Variants in MYH14 observed in about 807,000 individuals in gnomAD.
MYH14 encodes the protein myosin heavy chain 14.
MYH14 carries 123 observed loss-of-function variants against 255.5 expected under a neutral mutation model. The ratio of observed to expected loss-of-function variants is 0.48; its 90% CI spans 0.42 to 0.56. The LOEUF (loss-of-function observed/expected upper bound fraction) is 0.56. MYH14 is among the 20% of genes least tolerant of loss of function. The pLI, the probability that MYH14 is intolerant of heterozygous loss-of-function variation, is 0.00. For missense variants in MYH14, 2,423 were observed against 2,802.3 expected (o/e 0.86, Z 3.06); for synonymous variants, 1,095 against 1,161.2 (o/e 0.94, Z 1.16).
chr19:50,251,731 C>A (rs2034409081), intron 15 of MYH14, among the ~76,000 whole-genome samples: 1 of 152,092 alleles, frequency 6.6e-6, no homozygotes, highest in African/African-American at 2.4e-5. Flanking sequence ...GCACCTGCCA[C>A]CATGCCTGGC....
intron 40 of MYH14, among the ~76,000 whole-genome samples, chr19:50,302,277 T>C (rs986063689): frequency 1.7e-5 from 2 of 118,670 alleles, no homozygotes; most frequent in African/African-American, 8.8e-5. Flanking sequence ...GTGGAAGACC[T>C]TGTCTCTAAA....
In MYH14 at chr19:50,293,543, C is replaced by T; in HGVS notation, c.5346-21C>T. On this transcript the variant is annotated intron_variant, in intron 38 of 42. Transcript: ENST00000642316. This position sits in a 1 kb window ranked among gnomAD's most constrained non-coding sequence, Gnocchi z 4.1. Reference sequence around the variant, plus strand: ...TCTGACCATCCTGTCCTTTCATCCCCACGCCTTCCTGTCTCCCTAGGGCAG... The same window carrying T: ...TCTGACCATCCTGTCCTTTCATCCCTACGCCTTCCTGTCTCCCTAGGGCAG... 6.2e-7 allele frequency: 1 copy of T among 1,611,806 alleles called. No individual in the cohort carries two copies. The highest frequency in any genetic ancestry group is 8.5e-7 in the Non-Finnish European group (1 of 1,179,130).
At chr19:50,236,134 C>T (rs916341544) in intron 10 of MYH14, among the ~76,000 whole-genome samples, 2 of 151,470 alleles carry the variant, frequency 1.3e-5, no homozygotes, top group Non-Finnish European at 2.9e-5. Flanking sequence ...GAGTTTGAGA[C>T]CAGCCTGGGC....
At chr19:50,232,095 G>A (rs1180325484) in intron 10 of MYH14, 25 bp downstream of exon 10, 13 of 1,607,450 alleles carry the variant, frequency 8.1e-6, no homozygotes, top group Non-Finnish European at 1.1e-5. Context: ...TGGAGGCCAG[G>A]GGTAGGGGGG....
At chr19:50,281,928 C>T in intron 33 of MYH14, 86 bp downstream of exon 33, 2 of 1,433,782 alleles carry the variant, frequency 1.4e-6, no homozygotes, top group Non-Finnish European at 9.5e-7. Context: ...GTAATCCGTG[C>T]TGTCACGGCT....
At chr19:50,269,375 T>A (rs1224297226) in intron 24 of MYH14, among the ~76,000 whole-genome samples, 1 of 151,854 alleles carries the variant, frequency 6.6e-6, no homozygotes, top group Non-Finnish European at 1.5e-5. Flanking sequence ...AGAGACAGGG[T>A]TTCAGTATGT....
intron 21 of MYH14, 130 bp downstream of exon 21, chr19:50,261,765 CGG>C: frequency 1.3e-6 from 1 of 761,944 alleles, no homozygotes. Context: ...ATGGAGGTGC[CGG>C]GTGTCCAGGC....
At chr19:50,204,723 C>T (rs969129171) in intron 1 of MYH14, among the ~76,000 whole-genome samples, 1 of 152,038 alleles carries the variant, frequency 6.6e-6, no homozygotes, top group Non-Finnish European at 1.5e-5. Context: ...AGCGAGACTT[C>T]GTCTCTACAA....
intron 11 of MYH14, 139 bp from the exon 12 acceptor site, chr19:50,246,865 G>A (rs2123294023): frequency 1.6e-6 from 1 of 616,318 alleles, no homozygotes; most frequent in Non-Finnish European, 2.9e-6. Flanking sequence ...ACACTTTTGG[G>A]ACTCGTAATG....
chr19:50,227,003 G>C, intron 8 of MYH14, 37 bp downstream of exon 8: 1 of 1,607,206 alleles, frequency 6.2e-7, no homozygotes, highest in South Asian at 1.1e-5. Flanking sequence ...GCAGCCAAGG[G>C]GGGCAGCCTT....
rs201310216 is a variant in MYH14 at position 50,250,700 on chromosome 19, G to A, written c.1830+12G>A. 8 of 1,605,552 alleles carry A rather than the reference G, an allele frequency of 5.0e-6. No individual in the cohort carries two copies. The Admixed American group carries it at 6.7e-5, about 13-fold the overall frequency. On this transcript the variant is annotated intron_variant, in intron 15 of 42. Transcript: ENST00000642316. The surrounding 1 kb of genome is among the most constrained non-coding windows in gnomAD (Gnocchi z 5.4). ...ACTACGCGGGCAAGGTAGGGGCTGGGGCCGGCCTTGGGGCATGTGGGAGTG... is the reference window on the plus strand; with the variant it reads ...ACTACGCGGGCAAGGTAGGGGCTGGAGCCGGCCTTGGGGCATGTGGGAGTG...
Position 50,291,009 on chromosome 19 carries a change from G to A in MYH14, c.5088G>A (p.Gln1696=), listed in dbSNP as rs1167355350. The A allele has an allele frequency of 2.5e-6, 4 of 1,612,708 alleles. No individual in the cohort carries two copies. The highest frequency in any genetic ancestry group is 3.4e-6 in the Non-Finnish European group (4 of 1,179,626). ...ELKAQMASAG[Q]GKEEAVKQLR... ...AGGCTCAGATGGCCTCTGCCGGCCA[G>A]GGCAAGGAGGAGGCGGTGAAGCAGC... The change falls in exon 36 of 43, where the codon CAG becomes CAA. Residue 1696 remains glutamine, a synonymous_variant. Transcript: ENST00000642316.
intron 13 of MYH14, 27 bp downstream of exon 13, chr19:50,249,166 G>T (rs1320290886): frequency 3.2e-6 from 5 of 1,546,874 alleles, no homozygotes; most frequent in Non-Finnish European, 4.4e-6. Flanking sequence ...GGAGGGGGAT[G>T]CCAACTTCCT....
chr19:50,307,451 A>G (rs555050204), intron 41 of MYH14, among the ~76,000 whole-genome samples: 129 of 152,126 alleles, frequency 8.5e-4, no homozygotes, highest in Non-Finnish European at 1.2e-3. Context: ...ACTAGCTTCT[A>G]TGTACCAGGC....
At chr19:50,244,505 A>C (rs2034021560) in intron 11 of MYH14, among the ~76,000 whole-genome samples, 168 bp downstream of exon 11, 1 of 112,906 alleles carries the variant, frequency 8.9e-6, no homozygotes, top group African/African-American at 3.4e-5. Context: ...TTTTTTTGAG[A>C]TGGAGTCTCG....
chr19:50,281,726 C>T lies in MYH14; in HGVS notation c.4423C>T (p.Arg1475Trp), dbSNP rs767845100. 2.2e-5 allele frequency: 36 copies of T among 1,611,770 alleles called. 1 individual carries two copies. The Middle Eastern group carries it at 5.0e-4, about 22-fold the overall frequency. ...GGCAGAAAAGACAGAGACCGTGGAT[C>T]GGCTGGAGCGGGGCCGCCGCCGGCT... The part of the protein sequence containing the change: ...RLAEKTETVD[R>W]LERGRRRLQQ... The change falls in exon 33 of 43, where the codon CGG (arginine) becomes TGG (tryptophan). Residue 1475 changes from arginine (R) to tryptophan (W), a missense_variant. By Grantham distance (101) the Arg-to-Trp change is moderately radical. Around this residue, in one of 3 missense-constraint regions of MYH14, gnomAD observed 1,513 missense variants for 1,674.8 expected, o/e 0.90. Coordinates refer to ENST00000642316, the MANE Select transcript of MYH14 (RefSeq NM_001145809.2).
At chr19:50,286,811 C>A in intron 34 of MYH14, 117 bp downstream of exon 34, 1 of 1,034,536 alleles carries the variant, frequency 9.7e-7, no homozygotes. Context: ...TATGTTCATG[C>A]ACAAAGAGAA....
In MYH14 at chr19:50,271,619, G is replaced by A. The variant is rs1268057547; in HGVS notation, c.3171+73G>A. The stretch of plus-strand genomic sequence containing the variant: ...TGGGTTAATGAATGGTGAACTTCAC[G>A]CCATGGGGGTTACCACACTGCGGTT... On this transcript the variant is annotated intron_variant, in intron 25 of 42. Transcript: ENST00000642316. 1.4e-5 allele frequency: 21 copies of A among 1,550,200 alleles called. No homozygotes were observed. The South Asian group carries it at 1.4e-4, about 11-fold the overall frequency.
At chr19:50,309,261 C>G in intron 42 of MYH14, 84 bp downstream of exon 42, 1 of 1,366,616 alleles carries the variant, frequency 7.3e-7, no homozygotes, top group Non-Finnish European at 1.0e-6. Flanking sequence ...GTGCCAGGGG[C>G]AACAACAGGG....
Sources: allele counts gnomAD v4.1 joint callset (sites outside exome capture counted in the v4.1 genomes callset), GRCh38; gene constraint gnomAD v4.1.1; regional missense constraint gnomAD v4.1.1; non-coding constraint Gnocchi (gnomAD v3.1); transcripts MANE v1.5; gene names NCBI Gene and HGNC (gene_info 2026-07-23, HGNC 2026-07-21).